Variants in NRXN3 observed in about 807,000 individuals in gnomAD.
The protein encoded by NRXN3 is neurexin III.
In NRXN3, 32 loss-of-function variants were observed where a neutral mutation model predicts 137.6. That is an observed-to-expected ratio of 0.23 (90% CI 0.18 to 0.31). The LOEUF (loss-of-function observed/expected upper bound fraction) is 0.31. Ranked by LOEUF, NRXN3 falls within the 10% of genes least tolerant of loss-of-function variation. The pLI is 1.00. For synonymous variants in NRXN3, 798 were observed against 784.5 expected, an observed-to-expected ratio of 1.02 and a Z score of -0.29; for missense variants, 1,574 against 2,062.5, an observed-to-expected ratio of 0.76 and a Z score of 4.59.
At chr14:79,409,237 A>G (rs1041057289) in intron 15 of NRXN3, among the ~76,000 whole-genome samples, 1 of 151,862 alleles carries the variant, frequency 6.6e-6, no homozygotes, top group Non-Finnish European at 1.5e-5. Context: ...ATATATATAT[A>G]TTCTGCTACA....
In NRXN3 at chr14:79,190,571, G is replaced by A. The variant is rs1409314218; in HGVS notation, c.3262+202430G>A. On this transcript the variant is annotated intron_variant, in intron 15 of 20. Coordinates refer to ENST00000335750, the MANE Select transcript of NRXN3 (RefSeq NM_001330195.2). ...TGTTCAGTTGCCCCGGTGTGCTACTGAAGGCAAGTGTCCAAACGCCAATAA... is the reference window on the plus strand; with the variant it reads ...TGTTCAGTTGCCCCGGTGTGCTACTAAAGGCAAGTGTCCAAACGCCAATAA... Among the ~76,000 whole-genome samples, 3 of 152,266 alleles carry A rather than the reference G, an allele frequency of 2.0e-5. No individual in the cohort carries two copies. The East Asian group carries it at 5.8e-4, about 29-fold the overall frequency.
intron 1 of NRXN3, among the ~76,000 whole-genome samples, chr14:78,219,926 A>T (rs1234236730): frequency 6.6e-6 from 1 of 152,050 alleles, no homozygotes; most frequent in Non-Finnish European, 1.5e-5. Context: ...GTGGATGGGG[A>T]TGGAGGGTAG....
At chr14:79,409,452 A>G (rs921989471) in intron 15 of NRXN3, among the ~76,000 whole-genome samples, 1 of 150,456 alleles carries the variant, frequency 6.6e-6, no homozygotes, top group African/African-American at 2.4e-5. Context: ...ATGTAGGTAT[A>G]TGTATACATA....
chr14:78,369,930 T>TA (rs57610008), intron 4 of NRXN3, among the ~76,000 whole-genome samples: 92 of 140,444 alleles, frequency 6.6e-4, no homozygotes, highest in African/African-American at 2.3e-3. Flanking sequence ...TTAGCCTGGT[T>TA]AAAAAAAAAA....
At chr14:78,578,211 C>T (rs1210677752) in intron 4 of NRXN3, among the ~76,000 whole-genome samples, 1 of 152,116 alleles carries the variant, frequency 6.6e-6, no homozygotes, top group Non-Finnish European at 1.5e-5. Context: ...TTATCATAGG[C>T]ATCACATGGA....
intron 20 of NRXN3, among the ~76,000 whole-genome samples, chr14:79,833,538 T>G (rs539992932): frequency 6.6e-6 from 1 of 152,232 alleles, no homozygotes; most frequent in Admixed American, 6.5e-5. Context: ...CCTCCTGAAT[T>G]TCTTCAATTT....
chr14:78,258,277 G>A lies in NRXN3; in HGVS notation c.709+14475G>A, dbSNP rs980136611. Among the ~76,000 whole-genome samples the A allele has an allele frequency of 2.0e-5, 3 of 152,312 alleles. No individual in the cohort carries two copies. The South Asian group carries it at 6.2e-4, about 32-fold the overall frequency. ...AATATGCCCTTCTGGTTGTAGGAATGTAGAACAGGAAAGCCATTGTGAGGA... is the reference window on the plus strand; with the variant it reads ...AATATGCCCTTCTGGTTGTAGGAATATAGAACAGGAAAGCCATTGTGAGGA... On this transcript the variant is annotated intron_variant, in intron 2 of 20. Transcript: ENST00000335750.
chr14:79,335,444 T>C (rs1056242299), intron 15 of NRXN3, among the ~76,000 whole-genome samples: 4 of 152,144 alleles, frequency 2.6e-5, no homozygotes, highest in African/African-American at 9.7e-5. Flanking sequence ...GCTTGTTGTA[T>C]TTTTTCTCCC....
At chr14:78,453,397 T>C (rs1402079216) in intron 4 of NRXN3, among the ~76,000 whole-genome samples, 1 of 152,238 alleles carries the variant, frequency 6.6e-6, no homozygotes, top group Non-Finnish European at 1.5e-5. Flanking sequence ...TATATGCCGA[T>C]TGACCATTTT....
At chr14:79,388,684 C>T (rs1172707541) in intron 15 of NRXN3, among the ~76,000 whole-genome samples, 1 of 152,118 alleles carries the variant, frequency 6.6e-6, no homozygotes, top group African/African-American at 2.4e-5. Flanking sequence ...GGCCTCTCTC[C>T]TAGCTATGTC....
chr14:79,454,464 C>T lies in NRXN3; in HGVS notation c.3263-12757C>T, dbSNP rs551746258. Among the ~76,000 whole-genome samples, 7 of 152,250 alleles carry T rather than the reference C, an allele frequency of 4.6e-5. No homozygotes were observed. In the South Asian group the frequency reaches 1.5e-3, roughly 32 times the overall value. ...CTCCCAACCTCAGGTGATCTGCCCACCTTGGCCTCCCAAAGTGCTGGGAAT... is the reference window on the plus strand; with the variant it reads ...CTCCCAACCTCAGGTGATCTGCCCATCTTGGCCTCCCAAAGTGCTGGGAAT... On this transcript the variant is annotated intron_variant, in intron 15 of 20. Transcript: ENST00000335750.
intron 20 of NRXN3, among the ~76,000 whole-genome samples, chr14:79,830,984 G>C (rs2099321515): frequency 6.6e-6 from 1 of 152,106 alleles, no homozygotes; most frequent in Non-Finnish European, 1.5e-5. Flanking sequence ...CAAGTATTAA[G>C]TTGACAGATA....
intron 15 of NRXN3, among the ~76,000 whole-genome samples, chr14:79,272,803 TTC>T (rs2079559119): frequency 6.6e-6 from 1 of 152,206 alleles, no homozygotes; most frequent in Non-Finnish European, 1.5e-5. Context: ...TTGCCCCTTT[TTC>T]TGCAGAAGAT....
chr14:79,830,304 T>C (rs1290574209), intron 20 of NRXN3, among the ~76,000 whole-genome samples: 1 of 152,200 alleles, frequency 6.6e-6, no homozygotes, highest in Non-Finnish European at 1.5e-5. Context: ...TTTGTACATA[T>C]GTAGGATCCT....
At chr14:79,002,028 T>C (rs2099542392) in intron 15 of NRXN3, among the ~76,000 whole-genome samples, 1 of 152,194 alleles carries the variant, frequency 6.6e-6, no homozygotes, top group African/African-American at 2.4e-5. Flanking sequence ...ATTCACCCTG[T>C]TTCCTAGAGA....
chr14:79,233,891 CAA>C (rs1338323539), intron 15 of NRXN3, among the ~76,000 whole-genome samples: 1 of 151,866 alleles, frequency 6.6e-6, no homozygotes, highest in Non-Finnish European at 1.5e-5. Flanking sequence ...TCTTTCAGAT[CAA>C]ACCAAGTCTA....
At chr14:78,668,930 A>ATCTATCTATCTGTCTG (rs573422799) in intron 6 of NRXN3, among the ~76,000 whole-genome samples, 74 of 149,394 alleles carry the variant, frequency 5.0e-4, no homozygotes, top group African/African-American at 1.6e-3. Flanking sequence ...CTATCTATCT[A>ATCTATCTATCTGTCTG]TCTGTCTGTC....
At chr14:79,811,054 A>G (rs1015756809) in intron 20 of NRXN3, among the ~76,000 whole-genome samples, 3 of 152,230 alleles carry the variant, frequency 2.0e-5, no homozygotes, top group Admixed American at 6.5e-5. Flanking sequence ...AGATTTTTCT[A>G]TATGAAAACT....
intron 16 of NRXN3, among the ~76,000 whole-genome samples, chr14:79,524,098 G>A (rs2097096278): frequency 1.3e-5 from 2 of 152,206 alleles, no homozygotes; most frequent in South Asian, 4.1e-4. Context: ...GGAGAGGTCA[G>A]GTCTTACCTG....
Sources: gnomAD v4.1 joint callset for allele counts (sites outside exome capture counted in the v4.1 genomes callset) on GRCh38, gnomAD v4.1.1 for gene constraint, MANE v1.5 for transcripts, NCBI Gene and HGNC (gene_info 2026-07-23, HGNC 2026-07-21) for gene names.